Variants in ZNF677 observed in about 807,000 individuals in gnomAD.
The protein encoded by ZNF677 is zinc finger protein 677.
Under a neutral mutation model 8.1 loss-of-function variants are expected in ZNF677, and 5 were observed. That is an observed-to-expected ratio of 0.62 (90% CI 0.32 to 1.29). The LOEUF is 1.29. ZNF677 is among the 50% of genes most tolerant of loss of function. ZNF677 has a pLI of 0.05. For synonymous variants in ZNF677, 221 were observed against 225.6 expected, an observed-to-expected ratio of 0.98 and a Z score of 0.18; for missense variants, 685 against 685.9, an observed-to-expected ratio of 1.00 and a Z score of 0.01.
Position 53,243,973 on chromosome 19 carries a change from G to A in ZNF677, c.16-76C>T. On this transcript the variant is annotated intron_variant, in intron 3 of 4. Coordinates refer to ENST00000598513, the MANE Select transcript of ZNF677 (RefSeq NM_182609.4). ...TCACACAAAATGGCAGAAAAGAGGT[G>A]TACATATTCACTGATTTATGTGAGT... 6 of 1,389,004 alleles carry A rather than the reference G, an allele frequency of 4.3e-6. No individual in the cohort carries two copies. The South Asian group carries it at 7.0e-5, about 16-fold the overall frequency. 86.0% of individuals were successfully genotyped at this position (1,389,004 alleles called of 1,614,324 possible).
chr19:53,251,367 C>T (rs146640453), intron 3 of ZNF677, among the ~76,000 whole-genome samples, 169 bp downstream of exon 3: 71 of 152,222 alleles, frequency 4.7e-4, no homozygotes, highest in African/African-American at 1.6e-3. Flanking sequence ...TCCGTGTTAC[C>T]GGGTCACAGT....
At chr19:53,252,207 C>G (rs1457967165) in intron 2 of ZNF677, among the ~76,000 whole-genome samples, 2 of 152,184 alleles carry the variant, frequency 1.3e-5, no homozygotes, top group Non-Finnish European at 2.9e-5. Flanking sequence ...TTGGAGGTCT[C>G]AGAGTCATTT....
Position 53,247,155 on chromosome 19 carries a change from T to C in ZNF677, c.16-3258A>G, listed in dbSNP as rs74931583. 3.1e-3 allele frequency among the ~76,000 whole-genome samples: 475 copies of C among 152,340 alleles called. 4 individuals carry two copies. The highest frequency in any genetic ancestry group is 5.8e-3 in the Non-Finnish European group (396 of 68,026). On this transcript the variant is annotated intron_variant, in intron 3 of 4. Coordinates refer to ENST00000598513, the MANE Select transcript of ZNF677 (RefSeq NM_182609.4). ...ATAAGTTGTAGCTTTTTAAAATGTA[T>C]TGAGACTTGTTCTGTGGCCTGACAT... is the stretch of plus-strand genomic sequence containing the variant.
Position 53,237,668 on chromosome 19 carries a change from A to C in ZNF677, c.1059T>G (p.Gly353=), listed in dbSNP as rs1009097277. The C allele has an allele frequency of 1.2e-6, 2 of 1,612,560 alleles. No homozygotes were observed. Among genetic ancestry groups the C allele is most frequent in the Non-Finnish European group, 1.7e-6 (2 of 1,179,372 alleles). The change falls in exon 5 of 5, where the codon GGT becomes GGG. Residue 353 remains glycine, a synonymous_variant. Transcript: ENST00000598513. ...GEKPYKCNEC[G]KAFIQRSHLW... Reference sequence around the variant, plus strand: ...GGTGTGAACGCTGGATAAATGCCTTACCACATTCATTACATTTGTAAGGTT... The same window carrying C: ...GGTGTGAACGCTGGATAAATGCCTTCCCACATTCATTACATTTGTAAGGTT...
At chr19:53,242,125 T>A (rs1599918017) in intron 4 of ZNF677, 1 of 394,066 alleles carries the variant, frequency 2.5e-6, no homozygotes, top group Admixed American at 4.4e-5. Context: ...AGAGACGGGG[T>A]TTTTCCATGT....
rs28577950 is a variant in ZNF677 at position 53,253,811 on chromosome 19, T to C, written c.-126-655A>G. ...AAATCCAATAAATTATGGAATTACA[T>C]TTAAGACAAGTTGAATACACGTCAA... On this transcript the variant is annotated intron_variant, in intron 1 of 4. Coordinates refer to ENST00000598513, the MANE Select transcript of ZNF677 (RefSeq NM_182609.4). Among the ~76,000 whole-genome samples, 282 of 152,320 alleles carry C rather than the reference T, an allele frequency of 1.9e-3. 2 individuals carry two copies. The highest frequency in any genetic ancestry group is 6.6e-3 in the African/African-American group (273 of 41,574).
intron 1 of ZNF677, among the ~76,000 whole-genome samples, chr19:53,254,171 A>G (rs1176283966): frequency 6.6e-6 from 1 of 152,228 alleles, no homozygotes; most frequent in Non-Finnish European, 1.5e-5. Context: ...TCCATATTAA[A>G]TCAATCCACA....
intron 1 of ZNF677, among the ~76,000 whole-genome samples, chr19:53,253,698 T>A (rs2091270160): frequency 1.3e-5 from 2 of 151,736 alleles, no homozygotes; most frequent in South Asian, 4.2e-4. Context: ...AAAAAATAAA[T>A]AAATAAATAA....
chr19:53,251,641 T>C, intron 2 of ZNF677, 36 bp from the exon 3 acceptor site: 1 of 1,494,568 alleles, frequency 6.7e-7, no homozygotes, highest in Non-Finnish European at 9.2e-7. Context: ...ATGCTTAAAA[T>C]CAACACACCC....
intron 4 of ZNF677, chr19:53,242,868 T>C (rs1412429591): frequency 6.5e-6 from 1 of 153,004 alleles, no homozygotes; most frequent in African/African-American, 2.4e-5. Flanking sequence ...GAGACCAAAA[T>C]GGTCAGAGGG....
At chr19:53,248,357 A>C (rs2091180201) in intron 3 of ZNF677, among the ~76,000 whole-genome samples, 1 of 152,240 alleles carries the variant, frequency 6.6e-6, no homozygotes, top group Admixed American at 6.5e-5. Context: ...AAGTTTTTAA[A>C]AAACCAGTAA....
At chr19:53,247,734 C>T (rs2091169035) in intron 3 of ZNF677, among the ~76,000 whole-genome samples, 1 of 152,148 alleles carries the variant, frequency 6.6e-6, no homozygotes, top group Non-Finnish European at 1.5e-5. Flanking sequence ...CCTTCAACAT[C>T]TCTGGTATCA....
intron 2 of ZNF677, among the ~76,000 whole-genome samples, chr19:53,252,093 T>C (rs1351623816): frequency 6.6e-6 from 1 of 152,188 alleles, no homozygotes; most frequent in Non-Finnish European, 1.5e-5. Flanking sequence ...TAAGACTTAC[T>C]TCTGATGTAG....
At chr19:53,251,673 C>T in intron 2 of ZNF677, 68 bp from the exon 3 acceptor site, 1 of 1,087,596 alleles carries the variant, frequency 9.2e-7, no homozygotes. Context: ...CACACACACA[C>T]AGGAAGAGGC....
chr19:53,241,782 GATTA>G (rs1329699835), intron 4 of ZNF677: 6 of 398,418 alleles, frequency 1.5e-5, no homozygotes, highest in African/African-American at 8.2e-5. Context: ...TACTGTGACA[GATTA>G]ATTAATGTTC....
In ZNF677 at chr19:53,238,469, C is replaced by A. The variant is rs535354828; in HGVS notation, c.258G>T (p.Lys86Asn). ...CAAAATTGTTGATGCCATGGCTTTCCTTTCTTTCTAATATCACCAGATGGT... is the reference window on the plus strand; with the variant it reads ...CAAAATTGTTGATGCCATGGCTTTCATTTCTTTCTAATATCACCAGATGGT... ...ELYHLVILER[K>N]ESHGINNFDL... The change falls in exon 5 of 5, where the codon AAG becomes AAT. Residue 86 changes from lysine (K) to asparagine (N), a missense_variant. By Grantham distance (94) the Lys-to-Asn change is moderately conservative (BLOSUM62 0). Coordinates refer to ENST00000598513, the MANE Select transcript of ZNF677 (RefSeq NM_182609.4). The A allele has an allele frequency of 1.9e-5, 31 of 1,613,126 alleles. No individual in the cohort carries two copies. Among genetic ancestry groups the A allele is most frequent in the Non-Finnish European group, 2.2e-5 (26 of 1,179,818 alleles).
At chr19:53,246,739 G>A (rs1209758997) in intron 3 of ZNF677, among the ~76,000 whole-genome samples, 2 of 152,102 alleles carry the variant, frequency 1.3e-5, no homozygotes, top group African/African-American at 2.4e-5. Flanking sequence ...GTGGGGAAAT[G>A]GTGAGGTAGT....
rs566157588 is a variant in ZNF677, at chr19:53,237,546, TTA to T, written c.1179_1180del (p.His393GlnfsTer13). 5.0e-6 allele frequency: 8 copies of T among 1,613,868 alleles called. No individual in the cohort carries two copies. In the East Asian group the frequency reaches 1.6e-4, roughly 31 times the overall value. On this transcript the variant is annotated frameshift_variant, in exon 5 of 5. Coordinates refer to ENST00000598513, the MANE Select transcript of ZNF677 (RefSeq NM_182609.4). LOFTEE classifies it low-confidence loss of function (END_TRUNC). ...AGGCTTCTCTCCAGTATGGATTCTCTTATGTTGGGTAAGGCTTGAACGTTCAG... is the reference window on the plus strand; with the variant it reads ...AGGCTTCTCTCCAGTATGGATTCTCTTGTTGGGTAAGGCTTGAACGTTCAG...
At chr19:53,246,743 A>AGGT (rs2091149493) in intron 3 of ZNF677, among the ~76,000 whole-genome samples, 1 of 152,194 alleles carries the variant, frequency 6.6e-6, no homozygotes, top group South Asian at 2.1e-4. Flanking sequence ...GGAAATGGTG[A>AGGT]GGTAGTAATC....
Sources: allele counts gnomAD v4.1 joint callset (sites outside exome capture counted in the v4.1 genomes callset), GRCh38; gene constraint gnomAD v4.1.1; transcripts MANE v1.5; gene names NCBI Gene and HGNC (gene_info 2026-07-23, HGNC 2026-07-21).